MRPL4: variants seen among roughly 807,000 people sequenced by gnomAD.
MRPL4 encodes large ribosomal subunit protein uL4m.
Under a neutral mutation model 34.1 loss-of-function variants are expected in MRPL4, and 34 were observed. The ratio of observed to expected loss-of-function variants is 1.00; its 90% CI spans 0.76 to 1.33. MRPL4 has a LOEUF of 1.33. Among genes scored for constraint, MRPL4 ranks in the 40% most tolerant of loss-of-function variants. The pLI is 0.00. For synonymous variants in MRPL4, 196 were observed against 188.3 expected (o/e 1.04, Z -0.33); for missense variants, 402 against 434.6 (o/e 0.92, Z 0.67).
Position 10,252,445 on chromosome 19 carries a change from G to C in MRPL4, c.106G>C (p.Glu36Gln). The change falls in exon 2 of 9, where the codon GAG becomes CAG. Residue 36 changes from glutamate (E) to glutamine (Q), a missense_variant. Transcript: ENST00000253099. ...GGCAGCGCGTGCGACCGAGAACCCG[G>C]AGCAGGTGGCGAGCGAGGGTAAGGC... ...EEAARATENP[E>Q]QVASEGLPEP... The C allele has an allele frequency of 6.2e-7, 1 of 1,614,108 alleles. No homozygotes were observed. Among genetic ancestry groups the C allele is most frequent in the Non-Finnish European group, 8.5e-7 (1 of 1,179,988 alleles).
rs2039799446 is a variant in MRPL4, at chr19:10,252,315, G to A, written c.57+5G>A. 2.5e-6 allele frequency: 4 copies of A among 1,611,588 alleles called. No homozygotes were observed. Among genetic ancestry groups the A allele is most frequent in the Non-Finnish European group, 3.4e-6 (4 of 1,178,420 alleles). On this transcript the variant is annotated splice_donor_5th_base_variant and intron_variant, in intron 1 of 8. Transcript: ENST00000253099. ...CTTCGGCCTACCGGCAGCCAGGTGA[G>A]GCCAGGGGCTGGAGGCGTGGTCGAA...
intron 3 of MRPL4, among the ~76,000 whole-genome samples, chr19:10,253,498 GA>G (rs1209931494): frequency 4.3e-5 from 6 of 138,464 alleles, no homozygotes. Context: ...AGAAAGAAAA[GA>G]AAATGTAGGG....
At chr19:10,258,750 T>C (rs574620743) in intron 8 of MRPL4, 65 bp downstream of exon 8, 1 of 1,613,348 alleles carries the variant, frequency 6.2e-7, no homozygotes, top group Non-Finnish European at 8.5e-7. Flanking sequence ...ATCACAGCGG[T>C]TCAAATCCGG....
chr19:10,258,398 C>G lies in MRPL4; in HGVS notation c.553-15C>G. ...CTCTGGACCCAGGGTTCAAACCATC[C>G]TTTCCTTCCACCAGGACGACCTGCA... On this transcript the variant is annotated splice_polypyrimidine_tract_variant and intron_variant, in intron 6 of 8. Coordinates refer to ENST00000253099, the MANE Select transcript of MRPL4 (RefSeq NM_015956.3). 1 of 1,614,026 alleles carries G rather than the reference C, an allele frequency of 6.2e-7. No individual in the cohort carries two copies. Among genetic ancestry groups the G allele is most frequent in the Non-Finnish European group, 8.5e-7 (1 of 1,179,952 alleles).
chr19:10,256,687 C>T (rs774847296), intron 4 of MRPL4, 21 bp from the exon 5 acceptor site: 2 of 1,606,874 alleles, frequency 1.2e-6, no homozygotes, highest in African/African-American at 1.3e-5. Flanking sequence ...GACCTGACCC[C>T]CCTCCTCTTT....
intron 3 of MRPL4, 21 bp from the exon 4 acceptor site, chr19:10,254,568 A>G: frequency 6.2e-7 from 1 of 1,613,308 alleles, no homozygotes; most frequent in Non-Finnish European, 8.5e-7. Flanking sequence ...TGGGCTTCTC[A>G]TGTGTCCTTC....
chr19:10,253,446 T>C (rs1436431970), intron 3 of MRPL4, among the ~76,000 whole-genome samples: 1 of 120,536 alleles, frequency 8.3e-6, no homozygotes, highest in Non-Finnish European at 1.6e-5. Context: ...GCCACTGCAC[T>C]CCATCCTGGG....
At chr19:10,253,481 A>AAG (rs1212782722) in intron 3 of MRPL4, among the ~76,000 whole-genome samples, 2 of 149,628 alleles carry the variant, frequency 1.3e-5, no homozygotes, top group African/African-American at 4.9e-5. Context: ...AAAAAAAAAA[A>AAG]AAAAAAAGAA....
In MRPL4 at chr19:10,259,713, G is replaced by A. The variant is rs150246979; in HGVS notation, c.836G>A (p.Arg279His). The A allele has an allele frequency of 3.7e-5, 60 of 1,613,450 alleles. No individual in the cohort carries two copies. The Admixed American group carries it at 9.2e-4, about 25-fold the overall frequency. The change falls in exon 9 of 9, where the codon CGT (arginine) becomes CAT (histidine). Residue 279 changes from arginine (R) to histidine (H), a missense_variant. Transcript: ENST00000253099. ...LEDKLLWQDS[R>H]YRPLYPFSLP... is the part of the protein sequence containing the mutation. ...GACAAGCTGCTCTGGCAGGACTCAC[G>A]TTACAGACCCCTCTACCCCTTCAGC...
At chr19:10,253,403 C>T (rs533583852) in intron 3 of MRPL4, among the ~76,000 whole-genome samples, 1 of 140,712 alleles carries the variant, frequency 7.1e-6, no homozygotes, top group African/African-American at 2.7e-5. Flanking sequence ...GGCGTGAACC[C>T]GGGAGGCGGA....
intron 5 of MRPL4, 45 bp from the exon 6 acceptor site, chr19:10,258,177 G>T: frequency 1.4e-6 from 2 of 1,388,192 alleles, no homozygotes; most frequent in South Asian, 1.2e-5. Context: ...TGACCTCCAG[G>T]CTCTGCAGTG....
upstream of MRPL4, chr19:10,252,082 T>G (rs1599248756): frequency 1.4e-6 from 1 of 717,612 alleles, no homozygotes; most frequent in Non-Finnish European, 2.2e-6. Flanking sequence ...AGTCCTGGGG[T>G]GGAGGTCTGG....
chr19:10,256,860 G>C (rs759420149), intron 5 of MRPL4, 35 bp downstream of exon 5: 4 of 974,186 alleles, frequency 4.1e-6, no homozygotes, highest in East Asian at 3.1e-5. Context: ...GGGGAGGGGT[G>C]GGGGGGCCAG....
chr19:10,255,505 T>G (rs959897779), intron 4 of MRPL4: 1 of 152,620 alleles, frequency 6.6e-6, no homozygotes, highest in African/African-American at 2.4e-5. Context: ...GTGGGGCTAG[T>G]GTGGAGATAA....
intron 4 of MRPL4, 73 bp from the exon 5 acceptor site, chr19:10,256,635 T>C: frequency 1.6e-6 from 2 of 1,288,882 alleles, no homozygotes; most frequent in Non-Finnish European, 2.2e-6. Context: ...GACTTCCCCG[T>C]GGCAGGACTG....
intron 8 of MRPL4, chr19:10,259,005 A>T: frequency 7.2e-7 from 1 of 1,395,452 alleles, no homozygotes; most frequent in Non-Finnish European, 9.3e-7. Flanking sequence ...GGGCTGAGCC[A>T]GGCGGATAGC....
intron 3 of MRPL4, among the ~76,000 whole-genome samples, chr19:10,253,989 A>G (rs991924370): frequency 5.9e-5 from 9 of 152,132 alleles, no homozygotes; most frequent in African/African-American, 2.2e-4. Context: ...AGCAGGAAAA[A>G]AGTAATGGTA....
chr19:10,252,214 A>G lies in MRPL4; in HGVS notation c.-40A>G, dbSNP rs370075151. ...ATCCAGCGGCGCCTCGCGAGGCTCC[A>G]GTGGCCTTGACCTCCCGCGGCGTGG... On this transcript the variant is annotated 5_prime_UTR_variant, in exon 1 of 9. Coordinates refer to ENST00000253099, the MANE Select transcript of MRPL4 (RefSeq NM_015956.3). 1.2e-5 allele frequency: 19 copies of G among 1,556,472 alleles called. No homozygotes were observed. The African/African-American group carries it at 2.4e-4, about 19-fold the overall frequency.
In MRPL4 at chr19:10,256,823, G is replaced by A; in HGVS notation, c.443G>A (p.Gly148Glu). The A allele has an allele frequency of 9.2e-7, 1 of 1,083,072 alleles. No individual in the cohort carries two copies. The highest frequency in any genetic ancestry group is 1.2e-6 in the Non-Finnish European group (1 of 806,198). 67.1% of individuals were successfully genotyped at this position (1,083,072 alleles called of 1,614,324 possible). A position where few individuals can be genotyped will look rare whatever the true frequency, so the allele number is the denominator to read the frequency against. Residue 148 changes from glycine to glutamate, a missense_variant and splice_region_variant, in exon 5 of 9, where the codon GGA (glycine) becomes GAA (glutamate). Physicochemically the swap from Gly to Glu is moderately conservative, Grantham distance 98. Transcript: ENST00000253099. ...HGSIRSPLWR[G>E]GGVAHGPRGP... Reference sequence around the variant, plus strand: ...AGCATCCGCTCTCCGCTCTGGCGAGGAGGTAACAGGACAGGGTGGAGGGGG... The same window carrying A: ...AGCATCCGCTCTCCGCTCTGGCGAGAAGGTAACAGGACAGGGTGGAGGGGG...
Sources: gnomAD v4.1 joint callset for allele counts (sites outside exome capture counted in the v4.1 genomes callset) on GRCh38, gnomAD v4.1.1 for gene constraint, MANE v1.5 for transcripts, NCBI Gene and HGNC (gene_info 2026-07-23, HGNC 2026-07-21) for gene names.